ADCY9: variants seen among roughly 807,000 people sequenced by gnomAD.
ADCY9 encodes the protein adenylate cyclase 9, also known as adenylate cyclase type 9.
A neutral mutation model predicts 101.5 loss-of-function variants in ADCY9; 50 were observed. That is an observed-to-expected ratio of 0.49 (90% CI 0.39 to 0.62). ADCY9 has a LOEUF of 0.62. Ranked by LOEUF, ADCY9 falls within the 20% of genes least tolerant of loss-of-function variation. The pLI is 0.00. For synonymous variants in ADCY9, 905 were observed against 769.3 expected (o/e 1.18, Z -2.92); for missense variants, 1,662 against 1,800.4 (o/e 0.92, Z 1.39).
Position 3,966,240 on chromosome 16 carries a change from G to A in ADCY9, c.3597C>T (p.Thr1199=), listed in dbSNP as rs148224574. Residue 1199 remains threonine (T), a synonymous_variant, in exon 11 of 11, where the codon ACC becomes ACT. Coordinates refer to ENST00000294016, the MANE Select transcript of ADCY9 (RefSeq NM_001116.4). Reference sequence around the variant, plus strand: ...CCTGGATGCGGCACTCCACGCCGGTGGTGTCCATCCTGCTGGCGATGTTGA... The same window carrying A: ...CCTGGATGCGGCACTCCACGCCGGTAGTGTCCATCCTGCTGGCGATGTTGA... ...DTVNIASRMD[T]TGVECRIQVS... is the part of the protein sequence containing the mutation. 214 of 1,614,124 alleles carry A rather than the reference G, an allele frequency of 1.3e-4. No individual in the cohort carries two copies. The highest frequency in any genetic ancestry group is 1.4e-4 in the Non-Finnish European group (162 of 1,180,064).
chr16:4,098,677 C>T (rs941158087), intron 2 of ADCY9, among the ~76,000 whole-genome samples: 8 of 151,994 alleles, frequency 5.3e-5, no homozygotes, highest in African/African-American at 1.5e-4. Context: ...ATTCCAGTGG[C>T]GTGGAAACAG....
chr16:4,097,702 A>G (rs943700566), intron 2 of ADCY9, among the ~76,000 whole-genome samples: 1 of 150,918 alleles, frequency 6.6e-6, no homozygotes, highest in African/African-American at 2.4e-5. Flanking sequence ...GCCCACCACC[A>G]TGCCCAGCTG....
intron 2 of ADCY9, among the ~76,000 whole-genome samples, chr16:4,066,356 C>T (rs1170139073): frequency 2.6e-5 from 4 of 152,270 alleles, no homozygotes; most frequent in African/African-American, 9.6e-5. Context: ...TTTTCTCTCT[C>T]CTCTCTCTAG....
At chr16:4,077,619 A>C (rs1021529727) in intron 2 of ADCY9, among the ~76,000 whole-genome samples, 1 of 152,200 alleles carries the variant, frequency 6.6e-6, no homozygotes, top group Non-Finnish European at 1.5e-5. Flanking sequence ...CCAATTTTTT[A>C]AAATGAGATA....
chr16:4,023,774 G>A (rs540486677), intron 2 of ADCY9, among the ~76,000 whole-genome samples: 7 of 152,172 alleles, frequency 4.6e-5, no homozygotes, highest in African/African-American at 7.2e-5. Flanking sequence ...TTAGCCAGGC[G>A]GGGTACATGC....
At chr16:4,013,780 CAT>C (rs2056419515) in intron 2 of ADCY9, among the ~76,000 whole-genome samples, 2 of 152,156 alleles carry the variant, frequency 1.3e-5, no homozygotes, top group South Asian at 4.1e-4. Context: ...CCTATGGAGT[CAT>C]AGATATATTT....
intron 8 of ADCY9, among the ~76,000 whole-genome samples, chr16:3,978,369 C>G (rs2056111096): frequency 6.6e-6 from 1 of 152,198 alleles, no homozygotes; most frequent in African/African-American, 2.4e-5. Flanking sequence ...CCAGAAGGAT[C>G]ATCTCCCACG....
chr16:4,070,110 ATG>A (rs1223476918), intron 2 of ADCY9, among the ~76,000 whole-genome samples: 1 of 106,204 alleles, frequency 9.4e-6, no homozygotes, highest in Non-Finnish European at 2.1e-5. Context: ...AAAAATATGT[ATG>A]TGTGTGTATG....
At chr16:3,968,418 C>T (rs1466333020) in intron 10 of ADCY9, among the ~76,000 whole-genome samples, 2 of 152,176 alleles carry the variant, frequency 1.3e-5, no homozygotes, top group Admixed American at 1.3e-4. Flanking sequence ...AGGTGTGAGC[C>T]ACCGCGCCTG....
In ADCY9 at chr16:3,964,731, C is replaced by G. The variant is rs904174186; in HGVS notation, c.*1044G>C. On this transcript the variant is annotated 3_prime_UTR_variant, in exon 11 of 11. Coordinates refer to ENST00000294016, the MANE Select transcript of ADCY9 (RefSeq NM_001116.4). ...CCATGCTTTGAGGTCCCACTCAGAC[C>G]CCTCTTGGGGTGGGGAGGTTGGGGG... The G allele has an allele frequency of 6.6e-6, 1 of 152,414 alleles. No individual in the cohort carries two copies. The highest frequency in any genetic ancestry group is 6.5e-5 in the Admixed American group (1 of 15,286). The allele number at this position is 152,414 out of a possible 1,614,324, so 9.4% of individuals were successfully genotyped here.
Position 4,114,102 on chromosome 16 carries a change from G to A in ADCY9, c.1341C>T (p.Cys447=). 6.2e-7 allele frequency: 1 copy of A among 1,613,836 alleles called. No homozygotes were observed. Among genetic ancestry groups the A allele is most frequent in the Non-Finnish European group, 8.5e-7 (1 of 1,180,034 alleles). ...CCCGGGGCTCGGGACAGCCCGCCAC[G>A]CAGTAGTAACAGTCTCCCAGGGTGC... The part of the protein sequence containing the change: ...KISTLGDCYY[C]VAGCPEPRAD... The change falls in exon 2 of 11, where the codon TGC becomes TGT. Residue 447 remains cysteine (C), a synonymous_variant. Transcript: ENST00000294016. The surrounding 1 kb of genome is among the most constrained non-coding windows in gnomAD (Gnocchi z 4.3).
chr16:4,084,864 T>C lies in ADCY9; in HGVS notation c.1693+28886A>G, dbSNP rs990040381. ...AAGGAACGACCCATATTCCTGTGAC[T>C]TCTTAAGTAACTACTTAACTTGCGC... is the stretch of plus-strand genomic sequence containing the variant. On this transcript the variant is annotated intron_variant, in intron 2 of 10. Coordinates refer to ENST00000294016, the MANE Select transcript of ADCY9 (RefSeq NM_001116.4). Among the ~76,000 whole-genome samples, 5 of 152,188 alleles carry C rather than the reference T, an allele frequency of 3.3e-5. No homozygotes were observed. In the East Asian group the frequency reaches 9.6e-4, roughly 29 times the overall value.
intron 2 of ADCY9, among the ~76,000 whole-genome samples, chr16:4,096,938 G>C (rs2057007331): frequency 6.6e-6 from 1 of 152,100 alleles, no homozygotes; most frequent in Admixed American, 6.6e-5. Flanking sequence ...AAAAATCCTG[G>C]AAATTATGCA....
intron 2 of ADCY9, among the ~76,000 whole-genome samples, chr16:4,083,564 A>G (rs2056918722): frequency 6.6e-6 from 1 of 152,280 alleles, no homozygotes; most frequent in South Asian, 2.1e-4. Context: ...GCCAACATTC[A>G]TAGAAACACT....
At chr16:4,010,513 T>G (rs190548842) in intron 2 of ADCY9, among the ~76,000 whole-genome samples, 1 of 152,334 alleles carries the variant, frequency 6.6e-6, no homozygotes, top group Admixed American at 6.5e-5. Flanking sequence ...TCACTCTTAA[T>G]TCATCAAACA....
intron 7 of ADCY9, 197 bp downstream of exon 7, chr16:3,983,035 C>A: frequency 1.7e-6 from 1 of 604,492 alleles, no homozygotes; most frequent in Non-Finnish European, 2.9e-6. Flanking sequence ...CGAGGTGGTC[C>A]CCCCGCATCT....
chr16:4,080,582 G>A (rs1470360922), intron 2 of ADCY9, among the ~76,000 whole-genome samples: 1 of 151,958 alleles, frequency 6.6e-6, no homozygotes, highest in East Asian at 1.9e-4. Context: ...TTTTCTAATA[G>A]GCTTCAGAGA....
chr16:4,050,074 C>T (rs561256220), intron 2 of ADCY9, among the ~76,000 whole-genome samples: 13 of 151,350 alleles, frequency 8.6e-5, no homozygotes, highest in East Asian at 7.8e-4. Context: ...TGTTGGGGGC[C>T]GAAGTGGGGG....
chr16:4,026,602 C>G (rs2056517095), intron 2 of ADCY9, among the ~76,000 whole-genome samples: 1 of 152,114 alleles, frequency 6.6e-6, no homozygotes, highest in African/African-American at 2.4e-5. Context: ...AATGTCCTTC[C>G]CAGGATGAAT....
Sources: gnomAD v4.1 joint callset for allele counts (sites outside exome capture counted in the v4.1 genomes callset) on GRCh38, gnomAD v4.1.1 for gene constraint, Gnocchi (gnomAD v3.1) non-coding constraint, MANE v1.5 for transcripts, NCBI Gene and HGNC (gene_info 2026-07-23, HGNC 2026-07-21) for gene names.